Variants in MVB12B observed in about 807,000 individuals in gnomAD.
MVB12B encodes the protein multivesicular body subunit 12B.
A neutral mutation model predicts 41.6 loss-of-function variants in MVB12B; 16 were observed. The ratio of observed to expected loss-of-function variants is 0.38; its 90% CI spans 0.26 to 0.58. The LOEUF is 0.58. Ranked by LOEUF, MVB12B falls within the 20% of genes least tolerant of loss-of-function variation. MVB12B has a pLI of 0.62. For missense variants in MVB12B, 274 were observed against 380.2 expected (o/e 0.72, Z 2.32); for synonymous variants, 133 against 139.7 (o/e 0.95, Z 0.34).
At chr9:126,421,759 C>A in intron 6 of MVB12B, 95 bp from the exon 7 acceptor site, 1 of 914,888 alleles carries the variant, frequency 1.1e-6, no homozygotes, top group Non-Finnish European at 1.8e-6. Flanking sequence ...GCCCGCTGAT[C>A]TGTGCTGCAT....
rs1467559161 is a variant in MVB12B at position 126,333,881 on chromosome 9, CCATCCATT to C, written c.82-6625_82-6618del. 7.3e-6 allele frequency among the ~76,000 whole-genome samples: 1 copy of C among 137,262 alleles called. No homozygotes were observed. Among genetic ancestry groups the C allele is most frequent in the Non-Finnish European group, 1.6e-5 (1 of 61,550 alleles). The allele number at this position is 137,262 out of a possible 152,430, so 90.0% of individuals were successfully genotyped here. A position where few individuals can be genotyped will look rare whatever the true frequency, so the allele number is the denominator to read the frequency against. On this transcript the variant is annotated intron_variant, in intron 1 of 9. Transcript: ENST00000361171. This position sits in a 1 kb window ranked among gnomAD's most constrained non-coding sequence, Gnocchi z 4.7. ...TCCATCCATCCATCCATCCATCCAT[CCATCCATT>C]CGTTCATCAAATACCTGATGAATAC...
At chr9:126,406,163 G>A (rs1010476624) in intron 6 of MVB12B, among the ~76,000 whole-genome samples, 9 of 151,968 alleles carry the variant, frequency 5.9e-5, no homozygotes, top group African/African-American at 2.2e-4. Context: ...GATTTAGAGG[G>A]GCTGTGAGCA....
chr9:126,496,199 ACC>A (rs2119231405), intron 9 of MVB12B, among the ~76,000 whole-genome samples: 1 of 31,998 alleles, frequency 3.1e-5, no homozygotes, highest in African/African-American at 1.3e-4. Context: ...CCACCCACCC[ACC>A]TACCCACCCG....
intron 6 of MVB12B, among the ~76,000 whole-genome samples, chr9:126,415,614 C>G (rs12115383): frequency 0.3 from 45,000 of 152,098 alleles, 7,267 homozygotes; most frequent in Non-Finnish European, 0.35. Context: ...AGAGAAGAGA[C>G]AAGGCTTCCT....
At chr9:126,453,362 G>A (rs753124583) in intron 7 of MVB12B, among the ~76,000 whole-genome samples, 9 of 152,244 alleles carry the variant, frequency 5.9e-5, no homozygotes, top group Middle Eastern at 3.4e-3. Context: ...CTGAGCACCC[G>A]GAGCAGACCA....
At chr9:126,375,363 C>CTTTTTTT (rs35585049) in intron 2 of MVB12B, among the ~76,000 whole-genome samples, 10 of 105,204 alleles carry the variant, frequency 9.5e-5, no homozygotes, top group African/African-American at 1.5e-4. Context: ...TAAATTGATT[C>CTTTTTTT]TTTTTTTTTT....
intron 7 of MVB12B, among the ~76,000 whole-genome samples, chr9:126,428,678 A>G (rs556667309): frequency 2.0e-5 from 3 of 152,238 alleles, no homozygotes; most frequent in African/African-American, 4.8e-5. Context: ...TGTAATGTTC[A>G]TGGTTTGATG....
intron 6 of MVB12B, among the ~76,000 whole-genome samples, chr9:126,406,161 G>T (rs1035008390): frequency 6.6e-5 from 10 of 151,990 alleles, no homozygotes; most frequent in Non-Finnish European, 1.5e-4. Flanking sequence ...AGGATTTAGA[G>T]GGGCTGTGAG....
At chr9:126,416,371 C>A (rs1273946574) in intron 6 of MVB12B, among the ~76,000 whole-genome samples, 1 of 152,174 alleles carries the variant, frequency 6.6e-6, no homozygotes, top group African/African-American at 2.4e-5. Context: ...GGATTTGGAC[C>A]CACATCCAGC....
chr9:126,344,047 T>TAAAAAAAAAAA (rs80127150), intron 2 of MVB12B, among the ~76,000 whole-genome samples: 1 of 128,802 alleles, frequency 7.8e-6, no homozygotes, highest in African/African-American at 2.9e-5. Flanking sequence ...CTTTTCTTGG[T>TAAAAAAAAAAA]AAAAAAAAAA....
intron 7 of MVB12B, among the ~76,000 whole-genome samples, chr9:126,455,422 G>T (rs879734828): frequency 6.6e-6 from 1 of 151,884 alleles, no homozygotes; most frequent in Admixed American, 6.6e-5. Flanking sequence ...GATTTACCTC[G>T]TGATCCACCC....
In MVB12B at chr9:126,505,712, A is replaced by T. The variant is rs2119254156; in HGVS notation, c.*2449A>T. 1 of 152,024 alleles carries T rather than the reference A, an allele frequency of 6.6e-6. No homozygotes were observed. The highest frequency in any genetic ancestry group is 2.1e-4 in the South Asian group (1 of 4,812). 9.4% of individuals were successfully genotyped at this position (152,024 alleles called of 1,614,324 possible). ...TGTGTGTGCACGCACATGCGTGTGT[A>T]TAAGCCCACCTGAGTGGGGCTCGTG... is the stretch of plus-strand genomic sequence containing the variant. On this transcript the variant is annotated 3_prime_UTR_variant, in exon 10 of 10. Transcript: ENST00000361171.
In MVB12B at chr9:126,389,667, G is replaced by A. The variant is rs1325217113; in HGVS notation, c.410-2399G>A. Among the ~76,000 whole-genome samples the A allele has an allele frequency of 5.3e-5, 8 of 152,210 alleles. No individual in the cohort carries two copies. The highest frequency in any genetic ancestry group is 7.4e-5 in the Non-Finnish European group (5 of 68,006). On this transcript the variant is annotated intron_variant, in intron 4 of 9. Transcript: ENST00000361171. This position sits in a 1 kb window ranked among gnomAD's most constrained non-coding sequence, Gnocchi z 4.4. ...CTTTGTGTAAAGGTCTCTCTTCTTC[G>A]TGCTTTCTAAGGCCGATCTGATCAG...
At chr9:126,400,967 GA>G (rs1318730292) in intron 6 of MVB12B, among the ~76,000 whole-genome samples, 3 of 152,188 alleles carry the variant, frequency 2.0e-5, no homozygotes, top group Non-Finnish European at 4.4e-5. Context: ...ATGTTTATGT[GA>G]ACATCCATCC....
Position 126,503,217 on chromosome 9 carries a change from G to C in MVB12B, c.914G>C (p.Arg305Thr). Residue 305 changes from arginine (R) to threonine (T), a missense_variant, in exon 10 of 10, where the codon AGG becomes ACG. By Grantham distance (71) the Arg-to-Thr change is moderately conservative. Coordinates refer to ENST00000361171, the MANE Select transcript of MVB12B (RefSeq NM_033446.3). ...SFRTEQSAAARLPPSPTRCQQ... is the reference protein window; with the variant it reads ...SFRTEQSAAATLPPSPTRCQQ... ...CGCACAGAGCAGAGCGCAGCCGCCA[G>C]GCTCCCGCCCAGCCCCACCAGGTGT... 6.4e-7 allele frequency: 1 copy of C among 1,550,752 alleles called. No homozygotes were observed. Among genetic ancestry groups the C allele is most frequent in the Non-Finnish European group, 8.7e-7 (1 of 1,147,044 alleles).
At chr9:126,479,505 G>A (rs551143636) in intron 7 of MVB12B, among the ~76,000 whole-genome samples, 2 of 152,336 alleles carry the variant, frequency 1.3e-5, no homozygotes, top group South Asian at 2.1e-4. Context: ...CACGCGGGAT[G>A]TACTGAACGA....
At chr9:126,449,457 T>C (rs2119157527) in intron 7 of MVB12B, among the ~76,000 whole-genome samples, 1 of 152,208 alleles carries the variant, frequency 6.6e-6, no homozygotes, top group East Asian at 1.9e-4. Context: ...ATTAATGTGG[T>C]TTCAGATGAG....
intron 2 of MVB12B, among the ~76,000 whole-genome samples, chr9:126,375,302 C>T (rs571074720): frequency 7.4e-5 from 11 of 149,066 alleles, no homozygotes; most frequent in East Asian, 1.9e-4. Context: ...AGGAGTTGTC[C>T]GGGTGCCTAT....
intron 7 of MVB12B, among the ~76,000 whole-genome samples, chr9:126,433,077 A>G (rs999491821): frequency 6.6e-6 from 1 of 152,142 alleles, no homozygotes; most frequent in South Asian, 2.1e-4. Context: ...TGGGGAGCCC[A>G]AGGCCTCCTT....
Sources: gnomAD v4.1 joint callset for allele counts (sites outside exome capture counted in the v4.1 genomes callset) on GRCh38, gnomAD v4.1.1 for gene constraint, Gnocchi (gnomAD v3.1) non-coding constraint, MANE v1.5 for transcripts, NCBI Gene and HGNC (gene_info 2026-07-23, HGNC 2026-07-21) for gene names.